The following NUP37 variants were observed in gnomAD, a reference collection of about 807,000 sequenced individuals.
The protein encoded by NUP37 is nucleoporin Nup37.
A neutral mutation model predicts 45.4 loss-of-function variants in NUP37; 33 were observed. The observed-to-expected ratio is 0.73, with a 90% CI of 0.55 to 0.97. The LOEUF (loss-of-function observed/expected upper bound fraction) is 0.97, where lower values mean the gene tolerates loss of function less well. Ranked by LOEUF, NUP37 falls within the 50% of genes least tolerant of loss-of-function variation. The probability of loss-of-function intolerance (pLI) is 0.00; values close to 1 mark genes in which losing one functional copy is unlikely to be tolerated. For synonymous variants in NUP37, 127 were observed against 130.7 expected (o/e 0.97, Z 0.19); for missense variants, 365 against 389.7 (o/e 0.94, Z 0.53).
At chr12:102,078,990 T>A (rs1594383812) in intron 6 of NUP37, 1 of 223,402 alleles carries the variant, frequency 4.5e-6, no homozygotes, top group Middle Eastern at 4.7e-4. Flanking sequence ...TACGAGTATC[T>A]AAGTGCATGA....
At chr12:102,076,917 A>G (rs754238206) in intron 7 of NUP37, 70 bp from the exon 8 acceptor site, 2 of 1,096,980 alleles carry the variant, frequency 1.8e-6, no homozygotes, top group East Asian at 5.0e-5. Flanking sequence ...AGGTTTAAAC[A>G]GTATTTTCTC....
At chr12:102,099,778 A>G (rs1202674785) in intron 4 of NUP37, among the ~76,000 whole-genome samples, 2 of 152,234 alleles carry the variant, frequency 1.3e-5, no homozygotes, top group Non-Finnish European at 2.9e-5. Flanking sequence ...GAAGTTGCAC[A>G]GTGGAGGACT....
At chr12:102,108,048 T>G (rs1181034390) in intron 3 of NUP37, among the ~76,000 whole-genome samples, 1 of 152,212 alleles carries the variant, frequency 6.6e-6, no homozygotes, top group Admixed American at 6.5e-5. Context: ...ATGGTTAATA[T>G]TAAGTGTCAA....
At chr12:102,098,938 G>A (rs997801176) in intron 5 of NUP37, among the ~76,000 whole-genome samples, 168 bp downstream of exon 5, 2 of 152,270 alleles carry the variant, frequency 1.3e-5, no homozygotes, top group East Asian at 1.9e-4. Context: ...CTATCTCACT[G>A]GTTTTGAAAC....
At position 102,074,434 on chromosome 12, in the gene NUP37, C is replaced by G. The variant is rs867293542; in HGVS notation, c.901G>C (p.Gly301Arg). 3 of 1,611,190 alleles carry G rather than the reference C, an allele frequency of 1.9e-6. No individual in the cohort carries two copies. Among genetic ancestry groups the G allele is most frequent in the Non-Finnish European group, 2.5e-6 (3 of 1,178,426 alleles). ...ILMGSVAVGS[G>R]LSWHRTLPLC... ...GGGAGAGTTCGATGCCAGGACAGTC[C>G]AGATCCAACGGCTACAGAACCCATG... is the stretch of plus-strand genomic sequence containing the variant. Residue 301 changes from glycine to arginine, a missense_variant, in exon 10 of 10, where the codon GGA becomes CGA. By Grantham distance (125) the Gly-to-Arg change is moderately radical (BLOSUM62 -2). Coordinates refer to ENST00000552283, the MANE Select transcript of NUP37 (RefSeq NM_024057.4).
intron 5 of NUP37, among the ~76,000 whole-genome samples, chr12:102,089,948 C>T (rs985728159): frequency 8.5e-5 from 13 of 152,098 alleles, no homozygotes; most frequent in African/African-American, 2.4e-4. Context: ...TATAGATACC[C>T]ACATACGATC....
At chr12:102,119,883 G>A (rs1880703846) in intron 1 of NUP37, among the ~76,000 whole-genome samples, 167 bp downstream of exon 1, 1 of 152,174 alleles carries the variant, frequency 6.6e-6, no homozygotes, top group African/African-American at 2.4e-5. Context: ...ATAAGTCTCT[G>A]CAATGAGCGC....
intron 2 of NUP37, among the ~76,000 whole-genome samples, chr12:102,118,152 T>C (rs1880516821): frequency 6.6e-6 from 1 of 152,210 alleles, no homozygotes; most frequent in Non-Finnish European, 1.5e-5. Flanking sequence ...GAGGCAAAAG[T>C]GAAGCCTCAT....
At chr12:102,116,228 T>G (rs1223862956) in intron 2 of NUP37, among the ~76,000 whole-genome samples, 2 of 152,198 alleles carry the variant, frequency 1.3e-5, no homozygotes, top group African/African-American at 4.8e-5. Context: ...TAATTTGTTC[T>G]CCACTGACTT....
At chr12:102,083,982 G>A (rs771692720) in intron 6 of NUP37, among the ~76,000 whole-genome samples, 10 of 152,214 alleles carry the variant, frequency 6.6e-5, no homozygotes, top group Non-Finnish European at 1.3e-4. Context: ...AAAGGTACAA[G>A]TGATGGATTC....
chr12:102,078,638 T>G (rs1879251100), intron 6 of NUP37, among the ~76,000 whole-genome samples: 1 of 152,194 alleles, frequency 6.6e-6, no homozygotes, highest in Admixed American at 6.5e-5. Flanking sequence ...GCTTTCTCAT[T>G]TCTAAAATGG....
chr12:102,074,153 T>C lies in NUP37; in HGVS notation c.*201A>G, dbSNP rs981731505. 1 of 305,680 alleles carries C rather than the reference T, an allele frequency of 3.3e-6. No homozygotes were observed. The highest frequency in any genetic ancestry group is 4.9e-5 in the Admixed American group (1 of 20,384). 18.9% of individuals were successfully genotyped at this position (305,680 alleles called of 1,614,324 possible). On this transcript the variant is annotated 3_prime_UTR_variant, in exon 10 of 10. Transcript: ENST00000552283. ...ATATGATTTTGTAAGATTAAAAATA[T>C]ATATATATACACACACAGAGAACAG...
At chr12:102,075,441 T>A (rs938852759) in intron 8 of NUP37, among the ~76,000 whole-genome samples, 2 of 152,094 alleles carry the variant, frequency 1.3e-5, no homozygotes, top group Non-Finnish European at 2.9e-5. Flanking sequence ...CTTGGTCTCC[T>A]GAAGTGCTGG....
chr12:102,075,074 T>C lies in NUP37; in HGVS notation c.794A>G (p.Asn265Ser). 1 of 1,610,342 alleles carries C rather than the reference T, an allele frequency of 6.2e-7. No individual in the cohort carries two copies. Among genetic ancestry groups the C allele is most frequent in the Non-Finnish European group, 8.5e-7 (1 of 1,177,732 alleles). The change falls in exon 9 of 10, where the codon AAT becomes AGT. Residue 265 changes from asparagine to serine, a missense_variant. Transcript: ENST00000552283. ...AGGATAACCAGTGGTTGCAAACAGATTTTCACTAATTGTGGACCACCTAAG... is the reference window on the plus strand; with the variant it reads ...AGGATAACCAGTGGTTGCAAACAGACTTTCACTAATTGTGGACCACCTAAG... The part of the protein sequence containing the change: ...CLFRWSTISE[N>S]LFATTGYPGK...
At chr12:102,099,678 A>T (rs1483746777) in intron 4 of NUP37, among the ~76,000 whole-genome samples, 1 of 152,204 alleles carries the variant, frequency 6.6e-6, no homozygotes, top group East Asian at 1.9e-4. Flanking sequence ...TTACATGCTC[A>T]ATGTGACTGC....
intron 3 of NUP37, among the ~76,000 whole-genome samples, chr12:102,105,127 T>TA (rs1880095975): frequency 6.6e-6 from 1 of 152,254 alleles, no homozygotes; most frequent in Non-Finnish European, 1.5e-5. Context: ...TTTGTAGCTT[T>TA]TAGTCTTTGG....
At chr12:102,089,945 AC>A in intron 5 of NUP37, among the ~76,000 whole-genome samples, 1 of 152,290 alleles carries the variant, frequency 6.6e-6, no homozygotes, top group South Asian at 2.1e-4. Flanking sequence ...GAATATAGAT[AC>A]CCACATACGA....
rs1248309292 is a variant in NUP37 at position 102,118,466 on chromosome 12, T to C, written c.53A>G (p.Tyr18Cys). 3 of 1,614,026 alleles carry C rather than the reference T, an allele frequency of 1.9e-6. No individual in the cohort carries two copies. The highest frequency in any genetic ancestry group is 2.2e-5 in the South Asian group (2 of 91,058). Reference sequence around the variant, plus strand: ...GGGATTAAATTCTACCACATGCACATAATCTTCACAATCCACAGTGTAGGC... The same window carrying C: ...GGGATTAAATTCTACCACATGCACACAATCTTCACAATCCACAGTGTAGGC... ...NAAYTVDCED[Y>C]VHVVEFNPFE... Residue 18 changes from tyrosine (Y) to cysteine (C), a missense_variant, in exon 2 of 10, where the codon TAT (tyrosine) becomes TGT (cysteine). Tyr to Cys is a radical substitution (Grantham distance 194, BLOSUM62 -2). Coordinates refer to ENST00000552283, the MANE Select transcript of NUP37 (RefSeq NM_024057.4).
intron 2 of NUP37, among the ~76,000 whole-genome samples, chr12:102,114,418 T>C (rs113225616): frequency 6.6e-6 from 1 of 152,206 alleles, no homozygotes. Context: ...GCAGCACTGT[T>C]TGCCACTGAG....
Sources: gnomAD v4.1 joint callset for allele counts (sites outside exome capture counted in the v4.1 genomes callset) on GRCh38, gnomAD v4.1.1 for gene constraint, MANE v1.5 for transcripts, NCBI Gene and HGNC (gene_info 2026-07-23, HGNC 2026-07-21) for gene names.